GAS2L3: variants seen among roughly 807,000 people sequenced by gnomAD.
GAS2L3 encodes the protein GAS2-like protein 3.
Under a neutral mutation model 37.0 loss-of-function variants are expected in GAS2L3, and 28 were observed. The observed-to-expected ratio is 0.76, with a 90% confidence interval of 0.56 to 1.04. GAS2L3 has a LOEUF of 1.04. Among genes scored for constraint, GAS2L3 ranks in the 50% least tolerant of loss-of-function variants. The pLI is 0.00. For synonymous variants in GAS2L3, 290 were observed against 296.6 expected (o/e 0.98, Z 0.23); for missense variants, 793 against 817.6 (o/e 0.97, Z 0.37).
chr12:100,576,841 C>T (rs1376426497), intron 1 of GAS2L3, among the ~76,000 whole-genome samples: 1 of 152,118 alleles, frequency 6.6e-6, no homozygotes, highest in Admixed American at 6.5e-5. Flanking sequence ...ATGTAGCAGC[C>T]TACTAAATGT....
chr12:100,590,510 G>T (rs1443597114), intron 1 of GAS2L3, among the ~76,000 whole-genome samples: 1 of 152,202 alleles, frequency 6.6e-6, no homozygotes, highest in African/African-American at 2.4e-5. Context: ...ACAGTGTGGA[G>T]ATTCCTTAAA....
intron 1 of GAS2L3, among the ~76,000 whole-genome samples, chr12:100,577,273 G>C (rs1421630488): frequency 6.6e-6 from 1 of 152,164 alleles, no homozygotes; most frequent in Admixed American, 6.5e-5. Context: ...CCTGTTAATG[G>C]ATAGTTAGAT....
chr12:100,618,688 T>C (rs974482914), intron 8 of GAS2L3, 101 bp downstream of exon 8: 3 of 1,056,136 alleles, frequency 2.8e-6, no homozygotes, highest in Non-Finnish European at 4.1e-6. Flanking sequence ...TAAAAGCAAG[T>C]GTTTCTTATT....
In GAS2L3 at chr12:100,623,997, C is replaced by A. The variant is rs1170888282; in HGVS notation, c.1192C>A (p.Pro398Thr). Residue 398 changes from proline to threonine, a missense_variant, in exon 10 of 10, where the codon CCT becomes ACT. Coordinates refer to ENST00000547754, the MANE Select transcript of GAS2L3 (RefSeq NM_174942.3). ...SKGITKKPQA[P>T]SNNASSSLAS... ...AGGCATAACGAAGAAACCGCAGGCT[C>A]CTTCAAACAATGCATCATCTTCACT... 3.1e-6 allele frequency: 5 copies of A among 1,613,900 alleles called. No individual in the cohort carries two copies. The highest frequency in any genetic ancestry group is 4.2e-6 in the Non-Finnish European group (5 of 1,179,984).
chr12:100,627,864 T>G lies in GAS2L3; in HGVS notation c.*2974T>G, dbSNP rs1208979671. 2 of 152,226 alleles carry G rather than the reference T, an allele frequency of 1.3e-5. No homozygotes were observed. The highest frequency in any genetic ancestry group is 4.8e-5 in the African/African-American group (2 of 41,462). The allele number at this position is 152,226 out of a possible 1,614,324, so 9.4% of individuals were successfully genotyped here. A position where few individuals can be genotyped will look rare whatever the true frequency, so the allele number is the denominator to read the frequency against. On this transcript the variant is annotated 3_prime_UTR_variant, in exon 10 of 10. Coordinates refer to ENST00000547754, the MANE Select transcript of GAS2L3 (RefSeq NM_174942.3). Reference sequence around the variant, plus strand: ...TTCAAAAAAATGGAAAATGCTTTTATTTTATTTTCTATAATTTGTTAACAT... The same window carrying G: ...TTCAAAAAAATGGAAAATGCTTTTAGTTTATTTTCTATAATTTGTTAACAT...
intron 5 of GAS2L3, among the ~76,000 whole-genome samples, chr12:100,603,983 G>T (rs1956024762): frequency 6.6e-6 from 1 of 151,820 alleles, no homozygotes; most frequent in Non-Finnish European, 1.5e-5. Context: ...TGTTCCATTG[G>T]TCTGTGTCTC....
rs976975661 is a variant in GAS2L3 at position 100,624,051 on chromosome 12, A to G, written c.1246A>G (p.Thr416Ala). The change falls in exon 10 of 10, where the codon ACT becomes GCT. Residue 416 changes from threonine to alanine, a missense_variant. Coordinates refer to ENST00000547754, the MANE Select transcript of GAS2L3 (RefSeq NM_174942.3). ...TTCATTAAATCCAGTAGGTAAAAAC[A>G]CTTCTTCACCAGCTTTACCAAGAAC... Reference protein sequence around the residue: ...LASLNPVGKNTSSPALPRTAP... With the variant: ...LASLNPVGKNASSPALPRTAP... The G allele has an allele frequency of 1.9e-6, 3 of 1,614,042 alleles. No individual in the cohort carries two copies. Among genetic ancestry groups the G allele is most frequent in the Non-Finnish European group, 2.5e-6 (3 of 1,179,992 alleles).
intron 1 of GAS2L3, among the ~76,000 whole-genome samples, chr12:100,590,590 T>G (rs1390112049): frequency 6.6e-6 from 1 of 152,054 alleles, no homozygotes; most frequent in African/African-American, 2.4e-5. Context: ...GGAAAAGAAG[T>G]CATTCGAAAA....
chr12:100,589,079 TTAAAG>T (rs1955815201), intron 1 of GAS2L3, among the ~76,000 whole-genome samples: 1 of 152,184 alleles, frequency 6.6e-6, no homozygotes, highest in African/African-American at 2.4e-5. Context: ...GATTAAGAGA[TTAAAG>T]TAAAGACAGG....
At chr12:100,589,875 TA>T (rs1955825777) in intron 1 of GAS2L3, among the ~76,000 whole-genome samples, 1 of 151,826 alleles carries the variant, frequency 6.6e-6, no homozygotes. Context: ...TAGCCACGTG[TA>T]GGATCCTCAT....
chr12:100,602,273 T>C (rs997644350), intron 5 of GAS2L3, among the ~76,000 whole-genome samples: 11 of 152,122 alleles, frequency 7.2e-5, no homozygotes, highest in Admixed American at 3.9e-4. Flanking sequence ...GGATAAATAA[T>C]ACATTTTTTA....
chr12:100,601,772 G>A lies in GAS2L3; in HGVS notation c.303+19G>A. 7.7e-7 allele frequency: 1 copy of A among 1,302,912 alleles called. No individual in the cohort carries two copies. Among genetic ancestry groups the A allele is most frequent in the African/African-American group, 1.5e-5 (1 of 68,012 alleles). The allele number at this position is 1,302,912 out of a possible 1,614,324, so 80.7% of individuals were successfully genotyped here. A position where few individuals can be genotyped will look rare whatever the true frequency, so the allele number is the denominator to read the frequency against. ...ATCAGGGGTAAGTAAATGTTCGACA[G>A]TATTGATTTTATGTCTTGGTACATA... On this transcript the variant is annotated intron_variant, in intron 5 of 9. Transcript: ENST00000547754.
intron 1 of GAS2L3, among the ~76,000 whole-genome samples, chr12:100,591,046 A>G (rs1955840633): frequency 6.6e-6 from 1 of 152,178 alleles, no homozygotes; most frequent in African/African-American, 2.4e-5. Context: ...TTACTCATGT[A>G]ACCAAATACC....
Position 100,592,828 on chromosome 12 carries a change from C to T in GAS2L3, c.-31+972C>T, listed in dbSNP as rs560924636. On this transcript the variant is annotated intron_variant, in intron 2 of 9. Coordinates refer to ENST00000547754, the MANE Select transcript of GAS2L3 (RefSeq NM_174942.3). Reference sequence around the variant, plus strand: ...CGAAATCTAAGGGAAAAGACTTCCTCAAGTTGGCAAAGAATTGAAATAGGC... The same window carrying T: ...CGAAATCTAAGGGAAAAGACTTCCTTAAGTTGGCAAAGAATTGAAATAGGC... 8.4e-4 allele frequency among the ~76,000 whole-genome samples: 128 copies of T among 152,066 alleles called. 3 individuals are homozygous for T. In the South Asian group the frequency reaches 0.025, roughly 29 times the overall value.
intron 1 of GAS2L3, among the ~76,000 whole-genome samples, chr12:100,584,173 T>C (rs1468154212): frequency 6.6e-6 from 1 of 152,104 alleles, no homozygotes; most frequent in Non-Finnish European, 1.5e-5. Context: ...TGTATAGGAA[T>C]AGCTCAAAAT....
At chr12:100,603,152 G>A (rs1956013727) in intron 5 of GAS2L3, among the ~76,000 whole-genome samples, 1 of 152,044 alleles carries the variant, frequency 6.6e-6, no homozygotes, top group African/African-American at 2.4e-5. Context: ...TTTCTGTTGG[G>A]TATATACCCA....
intron 3 of GAS2L3, among the ~76,000 whole-genome samples, chr12:100,595,398 G>GGT (rs1955898590): frequency 7.1e-6 from 1 of 140,818 alleles, no homozygotes. Flanking sequence ...TAAAGAGTGG[G>GGT]TTTTTTTTTT....
chr12:100,590,896 A>G (rs529274656), intron 1 of GAS2L3, among the ~76,000 whole-genome samples: 3 of 152,028 alleles, frequency 2.0e-5, no homozygotes, highest in South Asian at 4.2e-4. Flanking sequence ...ACACAAATGC[A>G]TAAGAATGAT....
At chr12:100,590,007 G>A (rs1955827144) in intron 1 of GAS2L3, among the ~76,000 whole-genome samples, 1 of 152,154 alleles carries the variant, frequency 6.6e-6, no homozygotes, top group South Asian at 2.1e-4. Context: ...CTTAGGCAAG[G>A]ATTTAATGAC....
Sources: allele counts gnomAD v4.1 joint callset (sites outside exome capture counted in the v4.1 genomes callset), GRCh38; gene constraint gnomAD v4.1.1; transcripts MANE v1.5; gene names NCBI Gene and HGNC (gene_info 2026-07-23, HGNC 2026-07-21).